Variants in NCAM1 observed in about 807,000 individuals in gnomAD.
NCAM1 encodes the protein neural cell adhesion molecule 1.
A neutral mutation model predicts 109.8 loss-of-function variants in NCAM1; 14 were observed. The observed-to-expected ratio is 0.13, with a 90% CI of 0.08 to 0.20. The LOEUF is 0.20. Ranked by LOEUF, NCAM1 falls within the 10% of genes least tolerant of loss-of-function variation. The pLI, the probability that NCAM1 is intolerant of heterozygous loss-of-function variation, is 1.00. For synonymous variants in NCAM1, 418 were observed against 442.9 expected, an observed-to-expected ratio of 0.94 and a Z score of 0.70; for missense variants, 774 against 1,109.9, an observed-to-expected ratio of 0.70 and a Z score of 4.30.
In NCAM1 at chr11:113,275,478, G is replaced by GCACA. The variant is rs1279101909; in HGVS notation, c.*98_*101dup. Reference sequence around the variant, plus strand: ...CAACACCACAGACACACACACGCACGCACACACACAAACACACATGCACAC... The same window carrying GCACA: ...CAACACCACAGACACACACACGCACGCACACACACACACAAACACACATGCACAC... On this transcript the variant is annotated 3_prime_UTR_variant, in exon 20 of 20. Coordinates refer to ENST00000316851, the MANE Select transcript of NCAM1 (RefSeq NM_181351.5). The GCACA allele has an allele frequency of 1.4e-6, 2 of 1,448,520 alleles. No individual in the cohort carries two copies. Among genetic ancestry groups the GCACA allele is most frequent in the Non-Finnish European group, 1.9e-6 (2 of 1,064,170 alleles). 89.7% of individuals were successfully genotyped at this position (1,448,520 alleles called of 1,614,324 possible).
chr11:113,138,005 C>A (rs1941664094), intron 1 of NCAM1, among the ~76,000 whole-genome samples: 1 of 151,936 alleles, frequency 6.6e-6, no homozygotes, highest in Admixed American at 6.6e-5. Flanking sequence ...GTTTCCAAAG[C>A]CAGCTTTACC....
At chr11:113,100,912 A>T (rs149904413) in intron 1 of NCAM1, among the ~76,000 whole-genome samples, 1 of 152,054 alleles carries the variant, frequency 6.6e-6, no homozygotes, top group East Asian at 1.9e-4. Flanking sequence ...CACTGTGGCC[A>T]CTCTGTGATG....
chr11:113,057,964 C>T (rs1275913500), intron 1 of NCAM1, among the ~76,000 whole-genome samples: 1 of 152,044 alleles, frequency 6.6e-6, no homozygotes, highest in Non-Finnish European at 1.5e-5. Flanking sequence ...AAGAGTTGTC[C>T]TCAGAGAAGA....
At chr11:113,165,226 G>A (rs1270013892) in intron 1 of NCAM1, among the ~76,000 whole-genome samples, 2 of 152,132 alleles carry the variant, frequency 1.3e-5, no homozygotes, top group African/African-American at 2.4e-5. Context: ...AAGTGACTTA[G>A]AAAGTCACTT....
chr11:113,249,621 G>A (rs1555120895), intron 15 of NCAM1, among the ~76,000 whole-genome samples: 2 of 152,220 alleles, frequency 1.3e-5, no homozygotes, highest in Non-Finnish European at 2.9e-5. Flanking sequence ...CGAGTTAACT[G>A]TTGATGATAG....
chr11:113,253,437 A>T (rs1945748794), intron 15 of NCAM1, among the ~76,000 whole-genome samples: 1 of 151,714 alleles, frequency 6.6e-6, no homozygotes, highest in Admixed American at 6.6e-5. Context: ...GTGCTAGTGC[A>T]GTGGCTGTCA....
chr11:112,987,568 C>G (rs1951341834), intron 1 of NCAM1, among the ~76,000 whole-genome samples: 3 of 152,072 alleles, frequency 2.0e-5, no homozygotes, highest in Admixed American at 6.6e-5. Flanking sequence ...TTTAGGTGCT[C>G]TGATGGTGGG....
intron 1 of NCAM1, among the ~76,000 whole-genome samples, chr11:113,166,666 T>TGG (rs1475837202): frequency 3.3e-5 from 5 of 152,102 alleles, no homozygotes; most frequent in African/African-American, 1.2e-4. Context: ...TGTTAGATCA[T>TGG]GGGGAAGCCT....
chr11:113,217,007 G>T (rs1555114482), intron 8 of NCAM1, among the ~76,000 whole-genome samples: 4 of 152,168 alleles, frequency 2.6e-5, no homozygotes. Flanking sequence ...TGTAATTGTA[G>T]GAGTGGAAAA....
intron 19 of NCAM1, among the ~76,000 whole-genome samples, chr11:113,272,720 C>G (rs371791836): frequency 6.6e-6 from 1 of 152,088 alleles, no homozygotes; most frequent in Non-Finnish European, 1.5e-5. Flanking sequence ...GAGACCGCCA[C>G]GTTCTCTGTC....
rs538572673 is a variant in NCAM1 at position 113,140,463 on chromosome 11, A to AAGGC, written c.53-61913_53-61910dup. ...TTTAGACACTAGACATCCCCCAAGG[A>AAGGC]AGGCAGCCTGAGATTTTGTTAGCTG... On this transcript the variant is annotated intron_variant, in intron 1 of 19. Coordinates refer to ENST00000316851, the MANE Select transcript of NCAM1 (RefSeq NM_181351.5). 3.9e-5 allele frequency among the ~76,000 whole-genome samples: 6 copies of AAGGC among 152,296 alleles called. No homozygotes were observed. The South Asian group carries it at 1.2e-3, about 32-fold the overall frequency.
At position 113,033,638 on chromosome 11, in the gene NCAM1, A is replaced by G. The variant is rs181861558; in HGVS notation, c.52+71974A>G. On this transcript the variant is annotated intron_variant, in intron 1 of 19. Coordinates refer to ENST00000316851, the MANE Select transcript of NCAM1 (RefSeq NM_181351.5). ...TAACAAGCCATATGGCTGTGGATCT[A>G]CGCTTCCTTCTGGAGCTGTCTTTTA... Among the ~76,000 whole-genome samples the G allele has an allele frequency of 2.8e-4, 42 of 152,346 alleles. No homozygotes were observed. In the East Asian group the frequency reaches 7.9e-3, roughly 29 times the overall value.
chr11:112,979,962 G>A (rs78843237), intron 1 of NCAM1, among the ~76,000 whole-genome samples: 4,632 of 151,722 alleles, frequency 0.031, 357 homozygotes, highest in Admixed American at 0.13. Context: ...GACAAAATGC[G>A]ACACCCCTTC....
intron 1 of NCAM1, among the ~76,000 whole-genome samples, chr11:113,031,042 A>T (rs1952696748): frequency 6.6e-6 from 1 of 152,226 alleles, no homozygotes; most frequent in Non-Finnish European, 1.5e-5. Context: ...TGAATAAGGG[A>T]ACACTGAATT....
intron 1 of NCAM1, among the ~76,000 whole-genome samples, chr11:113,024,499 A>G (rs984206093): frequency 1.3e-5 from 2 of 152,192 alleles, no homozygotes; most frequent in East Asian, 1.9e-4. Flanking sequence ...TGTAATTTAG[A>G]AAAGGAGGTT....
chr11:113,039,424 C>T, intron 1 of NCAM1, among the ~76,000 whole-genome samples: 1 of 152,216 alleles, frequency 6.6e-6, no homozygotes, highest in East Asian at 1.9e-4. Flanking sequence ...ATACCAGCAA[C>T]TTACACTGTG....
chr11:113,053,783 G>C (rs1183566207), intron 1 of NCAM1, among the ~76,000 whole-genome samples: 1 of 152,162 alleles, frequency 6.6e-6, no homozygotes, highest in Non-Finnish European at 1.5e-5. Flanking sequence ...TTGCCCATCC[G>C]CATACCACGA....
intron 1 of NCAM1, among the ~76,000 whole-genome samples, chr11:113,112,045 G>A (rs1454884368): frequency 6.6e-6 from 1 of 152,174 alleles, no homozygotes; most frequent in Admixed American, 6.5e-5. Flanking sequence ...GTGGTCGGTT[G>A]CCTAAGGTAA....
At chr11:113,129,580 T>G (rs919067332) in intron 1 of NCAM1, among the ~76,000 whole-genome samples, 3 of 152,170 alleles carry the variant, frequency 2.0e-5, no homozygotes, top group Non-Finnish European at 4.4e-5. Flanking sequence ...GAAGACTAAA[T>G]CCTGTTCATT....
Sources: allele counts gnomAD v4.1 joint callset (sites outside exome capture counted in the v4.1 genomes callset), GRCh38; gene constraint gnomAD v4.1.1; transcripts MANE v1.5; gene names NCBI Gene and HGNC (gene_info 2026-07-23, HGNC 2026-07-21).